PPM1J: variants seen among roughly 807,000 people sequenced by gnomAD.
PPM1J encodes protein phosphatase, Mg2+/Mn2+ dependent 1J, also known as protein phosphatase 1J.
A neutral mutation model predicts 53.3 loss-of-function variants in PPM1J; 43 were observed. That is an observed-to-expected ratio of 0.81 (90% CI 0.63 to 1.04). PPM1J has a LOEUF of 1.04. Ranked by LOEUF, PPM1J falls within the 50% of genes least tolerant of loss-of-function variation. The probability of loss-of-function intolerance (pLI) is 0.00; values close to 1 mark genes in which losing one functional copy is unlikely to be tolerated. For missense variants in PPM1J, 635 were observed against 685.9 expected, an observed-to-expected ratio of 0.93 and a Z score of 0.83; for synonymous variants, 267 against 286.4, an observed-to-expected ratio of 0.93 and a Z score of 0.68.
rs781497138 is a variant in PPM1J, at chr1:112,711,074, G to A, written c.1047-3C>T. The A allele has an allele frequency of 3.5e-5, 57 of 1,613,770 alleles. No individual in the cohort carries two copies. In the African/African-American group the frequency reaches 6.8e-4, roughly 19 times the overall value. Reference sequence around the variant, plus strand: ...CCAGCTCGATCTTTTTGTAGGCCCTGGGGAGGGGGGAGTAGAGGAGGCATC... The same window carrying A: ...CCAGCTCGATCTTTTTGTAGGCCCTAGGGAGGGGGGAGTAGAGGAGGCATC... On this transcript the variant is annotated splice_polypyrimidine_tract_variant and splice_region_variant and intron_variant, in intron 6 of 9. Coordinates refer to ENST00000309276, the MANE Select transcript of PPM1J (RefSeq NM_005167.7).
In PPM1J at chr1:112,712,042, G is replaced by C. The variant is rs115193797; in HGVS notation, c.856C>G (p.Arg286Gly). The change falls in exon 5 of 10, where the codon CGG (arginine) becomes GGG (glycine). Residue 286 changes from arginine to glycine, a missense_variant. Transcript: ENST00000309276. ...GACATTGGAATGATTTCACCATTCC[G>C]GACAATGATGGCCCTGCCCAAAGAA... ...NAGDSRAIIV[R>G]NGEIIPMSRE... is the part of the protein sequence containing the mutation. The C allele has an allele frequency of 2.0e-5, 32 of 1,609,050 alleles. No homozygotes were observed. Among genetic ancestry groups the C allele is most frequent in the African/African-American group, 4.0e-5 (3 of 74,816 alleles).
At chr1:112,712,710 C>T (rs1675094320) in intron 3 of PPM1J, 34 bp downstream of exon 3, 2 of 1,576,730 alleles carry the variant, frequency 1.3e-6, no homozygotes, top group Non-Finnish European at 1.7e-6. Context: ...AGAGTGGTTG[C>T]CTAGCAGGCT....
rs757215867 is a variant in PPM1J, at chr1:112,710,484, G to C, written c.1346C>G (p.Ala449Gly). ...CCTGCTGTGGTCATTAGGCTCATAG[G>C]CCGACAGCACCCTGTCCACAGTGGC... is the stretch of plus-strand genomic sequence containing the variant. Reference protein sequence around the residue: ...VAATVDRVLSAYEPNDHSRYT... With the variant: ...VAATVDRVLSGYEPNDHSRYT... The change falls in exon 9 of 10, where the codon GCC (alanine) becomes GGC (glycine). Residue 449 changes from alanine to glycine, a missense_variant. Coordinates refer to ENST00000309276, the MANE Select transcript of PPM1J (RefSeq NM_005167.7). 3.1e-6 allele frequency: 5 copies of C among 1,613,978 alleles called. No individual in the cohort carries two copies. In the African/African-American group the frequency reaches 6.7e-5, roughly 22 times the overall value.
rs144204359 is a variant in PPM1J, at chr1:112,712,915, C to T, written c.558G>A (p.Glu186=). The change falls in exon 3 of 10, where the codon GAG becomes GAA. Residue 186 remains glutamate (E), a synonymous_variant. Transcript: ENST00000309276. Reference sequence around the variant, plus strand: ...GTGGTGGCGAAGGGTCCTGAAGTATCTCTACCAGGTCCTTTAGCTGCTCTC... The same window carrying T: ...GTGGTGGCGAAGGGTCCTGAAGTATTTCTACCAGGTCCTTTAGCTGCTCTC... ...HIREQLKDLV[E]ILQDPSPPPL... is the part of the protein sequence containing the mutation. 73 of 1,613,932 alleles carry T rather than the reference C, an allele frequency of 4.5e-5. No individual in the cohort carries two copies. Among genetic ancestry groups the T allele is most frequent in the Non-Finnish European group, 5.8e-5 (68 of 1,180,036 alleles).
At chr1:112,714,930 G>T in intron 1 of PPM1J, 46 bp downstream of exon 1, 1 of 1,343,542 alleles carries the variant, frequency 7.4e-7, no homozygotes, top group South Asian at 1.8e-5. Context: ...GCTGGGGAGA[G>T]GGGTGGGAGC....
chr1:112,711,129 G>C, intron 6 of PPM1J, 58 bp from the exon 7 acceptor site: 1 of 1,542,680 alleles, frequency 6.5e-7, no homozygotes. Flanking sequence ...TCTCCCCTAG[G>C]AGCTGCATAC....
Position 112,713,515 on chromosome 1 carries a change from C to T in PPM1J, c.423G>A (p.Arg141=), listed in dbSNP as rs774284115. 1.2e-6 allele frequency: 2 copies of T among 1,613,582 alleles called. No homozygotes were observed. Among genetic ancestry groups the T allele is most frequent in the South Asian group, 2.2e-5 (2 of 91,056 alleles). Residue 141 remains arginine (R), a synonymous_variant, in exon 2 of 10, where the codon AGG becomes AGA. Transcript: ENST00000309276. ...EGRRSVTGVP[R]EPSRGQGLCF... ...GTCTTACCTGGCCTCGGCTAGGCTCCCTAGGTACTCCTGTAACACTCCTCC... is the reference window on the plus strand; with the variant it reads ...GTCTTACCTGGCCTCGGCTAGGCTCTCTAGGTACTCCTGTAACACTCCTCC...
At position 112,713,497 on chromosome 1, in the gene PPM1J, C is replaced by T. The variant is rs1313511482; in HGVS notation, c.441G>A (p.Gln147=). 6.2e-7 allele frequency: 1 copy of T among 1,608,866 alleles called. No homozygotes were observed. Among genetic ancestry groups the T allele is most frequent in the East Asian group, 2.2e-5 (1 of 44,878 alleles). The change falls in exon 2 of 10, where the codon CAG becomes CAA. Residue 147 remains glutamine, a splice_region_variant and synonymous_variant. Transcript: ENST00000309276. The part of the protein sequence containing the change: ...TGVPREPSRG[Q]GLCFYYWGLF... ...CTCTGGGAAAGGGGATGGGTCTTACCTGGCCTCGGCTAGGCTCCCTAGGTA... is the reference window on the plus strand; with the variant it reads ...CTCTGGGAAAGGGGATGGGTCTTACTTGGCCTCGGCTAGGCTCCCTAGGTA...
rs1675125191 is a variant in PPM1J, at chr1:112,713,557, C to T, written c.381G>A (p.Val127=). Residue 127 remains valine (V), a synonymous_variant, in exon 2 of 10, where the codon GTG becomes GTA. Coordinates refer to ENST00000309276, the MANE Select transcript of PPM1J (RefSeq NM_005167.7). ...RHNEDQACCE[V]VYVEGRRSVT... The stretch of plus-strand genomic sequence containing the variant: ...CACTCCTCCGACCTTCCACATACAC[C>T]ACTTCACAGCAAGCCTGGTCCTCAT... 3.7e-6 allele frequency: 6 copies of T among 1,614,172 alleles called. No individual in the cohort carries two copies. The South Asian group carries it at 6.6e-5, about 18-fold the overall frequency.
In PPM1J at chr1:112,711,346, G is replaced by A; in HGVS notation, c.966C>T (p.Thr322=). The part of the protein sequence containing the change: ...LKPELLGSEF[T]HLEFPRRVLP... ...GAACTCTGCGGGGGAACTCAAGGTG[G>A]GTGAATTCACTGCCTAGCAGCTCTG... The change falls in exon 6 of 10, where the codon ACC becomes ACT. Residue 322 remains threonine, a synonymous_variant. Coordinates refer to ENST00000309276, the MANE Select transcript of PPM1J (RefSeq NM_005167.7). The A allele has an allele frequency of 6.2e-7, 1 of 1,606,078 alleles. No homozygotes were observed. Among genetic ancestry groups the A allele is most frequent in the Non-Finnish European group, 8.5e-7 (1 of 1,176,220 alleles).
rs1368866539 is a variant in PPM1J, at chr1:112,713,045, A to C, written c.442-14T>G. On this transcript the variant is annotated splice_polypyrimidine_tract_variant and intron_variant, in intron 2 of 9. Coordinates refer to ENST00000309276, the MANE Select transcript of PPM1J (RefSeq NM_005167.7). ...GAAGCAGAGTCCCTGGTGGAGGAAA[A>C]GTTGGAGGTGAGTTTTGTTTGTGTG... is the stretch of plus-strand genomic sequence containing the variant. 6.4e-7 allele frequency: 1 copy of C among 1,564,914 alleles called. No homozygotes were observed. Among genetic ancestry groups the C allele is most frequent in the African/African-American group, 1.4e-5 (1 of 71,664 alleles).
chr1:112,714,066 T>G, intron 1 of PPM1J: 1 of 1,019,802 alleles, frequency 9.8e-7, no homozygotes, highest in Non-Finnish European at 1.2e-6. Context: ...ACCCTTATCC[T>G]AAAACCATCC....
Position 112,712,382 on chromosome 1 carries a change from G to T in PPM1J, c.805C>A (p.Leu269Ile), listed in dbSNP as rs770337211. The T allele has an allele frequency of 2.5e-6, 4 of 1,613,908 alleles. No homozygotes were observed. In the Admixed American group the frequency reaches 6.7e-5, roughly 27 times the overall value. ...GCATTGGCCACGTACACCTTGCCTA[G>T]CAGGTAGATCACAACCAGTGCACAG... The part of the protein sequence containing the change: ...GCCALVVIYL[L>I]GKVYVANAGD... Residue 269 changes from leucine (L) to isoleucine (I), a missense_variant, in exon 4 of 10, where the codon CTA (leucine) becomes ATA (isoleucine). Leu to Ile is a conservative substitution (Grantham distance 5). Coordinates refer to ENST00000309276, the MANE Select transcript of PPM1J (RefSeq NM_005167.7).
chr1:112,711,125 C>A, intron 6 of PPM1J, 54 bp from the exon 7 acceptor site: 1 of 1,554,652 alleles, frequency 6.4e-7, no homozygotes, highest in South Asian at 1.1e-5. Context: ...CCCCTCTCCC[C>A]TAGGAGCTGC....
At position 112,715,168 on chromosome 1, in the gene PPM1J, C is replaced by T. The variant is rs1159903214; in HGVS notation, c.134G>A (p.Ser45Asn). The change falls in exon 1 of 10, where the codon AGC becomes AAC. Residue 45 changes from serine (S) to asparagine (N), a missense_variant. Physicochemically the swap from Ser to Asn is conservative, Grantham distance 46 (BLOSUM62 1). Coordinates refer to ENST00000309276, the MANE Select transcript of PPM1J (RefSeq NM_005167.7). This position sits in a 1 kb window ranked among gnomAD's most constrained non-coding sequence, Gnocchi z 4.4. The part of the protein sequence containing the change: ...PPAAAPEAPR[S>N]PPAKAGSGSA... Reference sequence around the variant, plus strand: ...CCCGCTCCCAGCCTTCGCGGGAGGGCTCCTGGGCGCTTCTGGAGCGGCGGC... The same window carrying T: ...CCCGCTCCCAGCCTTCGCGGGAGGGTTCCTGGGCGCTTCTGGAGCGGCGGC... 1 of 1,520,722 alleles carries T rather than the reference C, an allele frequency of 6.6e-7. No homozygotes were observed. Among genetic ancestry groups the T allele is most frequent in the Non-Finnish European group, 8.7e-7 (1 of 1,146,698 alleles). The allele number at this position is 1,520,722 out of a possible 1,614,324, so 94.2% of individuals were successfully genotyped here.
At chr1:112,713,132 T>A (rs1675114396) in intron 2 of PPM1J, 101 bp from the exon 3 acceptor site, 1 of 1,114,094 alleles carries the variant, frequency 9.0e-7, no homozygotes, top group Non-Finnish European at 1.3e-6. Context: ...TGGGCATCCA[T>A]ACAAACATCT....
intron 2 of PPM1J, 83 bp downstream of exon 2, chr1:112,713,414 C>T (rs991147417): frequency 9.4e-6 from 9 of 954,884 alleles, no homozygotes; most frequent in African/African-American, 1.6e-5. Flanking sequence ...TCAGGTCTTC[C>T]GCATGGCTCA....
intron 3 of PPM1J, 95 bp downstream of exon 3, chr1:112,712,649 G>T (rs1264485298): frequency 4.3e-5 from 57 of 1,323,432 alleles, no homozygotes; most frequent in Non-Finnish European, 5.7e-5. Flanking sequence ...GCTCTCAAAG[G>T]TGTTGTGGGT....
At position 112,715,324 on chromosome 1, in the gene PPM1J, G is replaced by T. The variant is rs997630239; in HGVS notation, c.-23C>A. On this transcript the variant is annotated 5_prime_UTR_variant, in exon 1 of 10. Transcript: ENST00000309276. The surrounding 1 kb of genome is among the most constrained non-coding windows in gnomAD (Gnocchi z 4.4). ...CATGCTGCCTCCCTGCCCCGCCCTC[G>T]GCCGCGGCCCCGCCCCCGCCCAGGC... 2.9e-5 allele frequency: 36 copies of T among 1,228,384 alleles called. No individual in the cohort carries two copies. The highest frequency in any genetic ancestry group is 4.3e-5 in the Admixed American group (1 of 23,268). The allele number at this position is 1,228,384 out of a possible 1,614,324, so 76.1% of individuals were successfully genotyped here.
Sources: allele counts gnomAD v4.1 joint callset, GRCh38; gene constraint gnomAD v4.1.1; non-coding constraint Gnocchi (gnomAD v3.1); transcripts MANE v1.5; gene names NCBI Gene and HGNC (gene_info 2026-07-23, HGNC 2026-07-21).